KIF16B: variants seen among roughly 807,000 people sequenced by gnomAD.
KIF16B encodes kinesin-like protein KIF16B.
Under a neutral mutation model 156.3 loss-of-function variants are expected in KIF16B, and 98 were observed. That is an observed-to-expected ratio of 0.63 (90% CI 0.53 to 0.74). The LOEUF (loss-of-function observed/expected upper bound fraction) is 0.74, where lower values mean the gene tolerates loss of function less well. KIF16B is among the 30% of genes least tolerant of loss of function. The pLI is 0.00. For synonymous variants in KIF16B, 564 were observed against 583.7 expected, an observed-to-expected ratio of 0.97 and a Z score of 0.49; for missense variants, 1,421 against 1,606.5, an observed-to-expected ratio of 0.88 and a Z score of 1.97.
intron 22 of KIF16B, chr20:16,368,790 T>C: frequency 1.1e-5 from 11 of 985,844 alleles, no homozygotes; most frequent in Non-Finnish European, 1.3e-5. Flanking sequence ...GCACCTTGCC[T>C]TGCCTGGCCT....
chr20:16,373,879 A>G (rs937983131), intron 20 of KIF16B, among the ~76,000 whole-genome samples: 2 of 152,210 alleles, frequency 1.3e-5, no homozygotes. Flanking sequence ...CAACTATACA[A>G]AGATTGAAAA....
At chr20:16,530,541 C>A (rs1012382746) in intron 1 of KIF16B, among the ~76,000 whole-genome samples, 1 of 152,176 alleles carries the variant, frequency 6.6e-6, no homozygotes, top group Non-Finnish European at 1.5e-5. Context: ...GCACGCTCCC[C>A]AAGCCCGCAC....
chr20:16,487,292 C>T (rs2068149263), intron 12 of KIF16B, among the ~76,000 whole-genome samples: 1 of 151,940 alleles, frequency 6.6e-6, no homozygotes, highest in Non-Finnish European at 1.5e-5. Context: ...AGAGAGGCCA[C>T]AAAAAATGTT....
At chr20:16,504,928 G>GAA (rs11482078) in intron 9 of KIF16B, among the ~76,000 whole-genome samples, 7 of 149,946 alleles carry the variant, frequency 4.7e-5, no homozygotes, top group South Asian at 2.1e-4. Flanking sequence ...CTACTGTCTG[G>GAA]AAAAAAAAAC....
chr20:16,524,777 G>A (rs894204857), intron 3 of KIF16B, among the ~76,000 whole-genome samples: 11 of 152,148 alleles, frequency 7.2e-5, no homozygotes, highest in Middle Eastern at 3.4e-3. Context: ...GAACCAACCC[G>A]AATGCCCATC....
chr20:16,493,997 G>T (rs960347822), intron 12 of KIF16B, among the ~76,000 whole-genome samples: 8 of 152,072 alleles, frequency 5.3e-5, no homozygotes, highest in Non-Finnish European at 8.8e-5. Context: ...ATTAAATAGA[G>T]TTCTAATATG....
chr20:16,561,325 G>C (rs777271179), intron 1 of KIF16B, among the ~76,000 whole-genome samples: 1 of 152,110 alleles, frequency 6.6e-6, no homozygotes, highest in African/African-American at 2.4e-5. Flanking sequence ...GAAAATATCA[G>C]CATGCATTGA....
At chr20:16,545,403 G>A (rs912971964) in intron 1 of KIF16B, among the ~76,000 whole-genome samples, 4 of 150,578 alleles carry the variant, frequency 2.7e-5, no homozygotes, top group Non-Finnish European at 5.9e-5. Flanking sequence ...GGTGGCTCCC[G>A]CCTGTAATCC....
intron 17 of KIF16B, among the ~76,000 whole-genome samples, chr20:16,401,032 T>C (rs891728512): frequency 2.0e-5 from 3 of 152,164 alleles, no homozygotes; most frequent in African/African-American, 4.8e-5. Flanking sequence ...CTAAAATTGA[T>C]GGGCAATTAC....
At position 16,424,795 on chromosome 20, in the gene KIF16B, G is replaced by A. The variant is rs1360702731; in HGVS notation, c.1612+2309C>T. Among the ~76,000 whole-genome samples the A allele has an allele frequency of 3.9e-5, 6 of 152,138 alleles. No homozygotes were observed. In the South Asian group the frequency reaches 6.2e-4, roughly 16 times the overall value. ...AAGAGGAGGGTCCCAGTGTGAGGAG[G>A]GGGCAGGAATAACAGTATATGGGTT... On this transcript the variant is annotated intron_variant, in intron 15 of 25. Transcript: ENST00000354981.
intron 6 of KIF16B, among the ~76,000 whole-genome samples, chr20:16,508,869 C>G (rs575698879): frequency 6.6e-6 from 1 of 152,266 alleles, no homozygotes; most frequent in Non-Finnish European, 1.5e-5. Flanking sequence ...ATCATTTTAA[C>G]AAATTATTTT....
chr20:16,375,937 A>C (rs1403026856), intron 19 of KIF16B, among the ~76,000 whole-genome samples: 2 of 152,214 alleles, frequency 1.3e-5, no homozygotes, highest in Non-Finnish European at 2.9e-5. Flanking sequence ...TAAGTGGATC[A>C]GAGATGGGTG....
intron 22 of KIF16B, among the ~76,000 whole-genome samples, chr20:16,364,872 T>TGCA (rs779312759): frequency 6.6e-6 from 1 of 152,230 alleles, no homozygotes; most frequent in Non-Finnish European, 1.5e-5. Flanking sequence ...TTTTATACGA[T>TGCA]GCTCGTATCT....
intron 3 of KIF16B, 77 bp downstream of exon 3, chr20:16,526,015 T>G: frequency 1.3e-6 from 1 of 788,026 alleles, no homozygotes; most frequent in Non-Finnish European, 2.0e-6. Flanking sequence ...GCAAGATATT[T>G]TAAAGTATTT....
At chr20:16,410,049 T>TGGTACATATATATATATGTA (rs1568948378) in intron 15 of KIF16B, among the ~76,000 whole-genome samples, 33 of 30,998 alleles carry the variant, frequency 1.1e-3, no homozygotes, top group Middle Eastern at 0.02. Flanking sequence ...ATATATATGT[T>TGGTACATATATATATATGTA]GGTACATATA....
intron 22 of KIF16B, 62 bp from the exon 23 acceptor site, chr20:16,356,514 T>C: frequency 3.1e-6 from 5 of 1,592,762 alleles, no homozygotes; most frequent in Non-Finnish European, 4.3e-6. Flanking sequence ...ACTGCAAATA[T>C]CCTGCTCGGG....
chr20:16,555,067 C>A (rs979086811), intron 1 of KIF16B, among the ~76,000 whole-genome samples: 7 of 152,210 alleles, frequency 4.6e-5, no homozygotes, highest in African/African-American at 1.7e-4. Flanking sequence ...TGAGCCTGAG[C>A]AAAACTTGGG....
chr20:16,561,820 G>C (rs1053326139), intron 1 of KIF16B, among the ~76,000 whole-genome samples: 1 of 152,142 alleles, frequency 6.6e-6, no homozygotes, highest in Non-Finnish European at 1.5e-5. Flanking sequence ...GCCACACTGA[G>C]AACCATTCTA....
intron 25 of KIF16B, among the ~76,000 whole-genome samples, chr20:16,282,898 G>T (rs1196882258): frequency 6.6e-6 from 1 of 152,178 alleles, no homozygotes; most frequent in Admixed American, 6.5e-5. Flanking sequence ...GTCAAATGAT[G>T]CTTATGATGC....
Sources: allele counts gnomAD v4.1 joint callset (sites outside exome capture counted in the v4.1 genomes callset), GRCh38; gene constraint gnomAD v4.1.1; transcripts MANE v1.5; gene names NCBI Gene and HGNC (gene_info 2026-07-23, HGNC 2026-07-21).